The following ASIC2 variants were observed in gnomAD, a reference collection of about 807,000 sequenced individuals.
ASIC2 encodes acid sensing ion channel subunit 2, also known as acid-sensing ion channel 2.
Under a neutral mutation model 57.3 loss-of-function variants are expected in ASIC2, and 25 were observed. That is an observed-to-expected ratio of 0.44 (90% CI 0.32 to 0.61). The LOEUF is 0.61. Ranked by LOEUF, ASIC2 falls within the 20% of genes least tolerant of loss-of-function variation. The pLI is 0.06. For synonymous variants in ASIC2, 319 were observed against 307.5 expected, an observed-to-expected ratio of 1.04 and a Z score of -0.39; for missense variants, 641 against 738.1, an observed-to-expected ratio of 0.87 and a Z score of 1.52.
chr17:33,205,720 C>T (rs1907035764), intron 1 of ASIC2, among the ~76,000 whole-genome samples: 1 of 152,180 alleles, frequency 6.6e-6, no homozygotes, highest in African/African-American at 2.4e-5. Flanking sequence ...GTCCTGACAC[C>T]TTTATCTTGG....
chr17:33,352,425 T>A (rs541276732), intron 1 of ASIC2, among the ~76,000 whole-genome samples: 2 of 152,314 alleles, frequency 1.3e-5, no homozygotes, highest in East Asian at 3.9e-4. Flanking sequence ...CCTTCTTACC[T>A]TGTGCTTGCA....
chr17:33,911,658 A>G (rs75482808), intron 1 of ASIC2, among the ~76,000 whole-genome samples: 93 of 152,332 alleles, frequency 6.1e-4, no homozygotes, highest in African/African-American at 2.2e-3. Context: ...AACTTGGAAC[A>G]TATATTGGGA....
chr17:33,086,281 C>T (rs768988734), intron 3 of ASIC2, among the ~76,000 whole-genome samples: 1 of 152,174 alleles, frequency 6.6e-6, no homozygotes, highest in East Asian at 1.9e-4. Flanking sequence ...GGAGAAGTTA[C>T]ACACTGGATT....
intron 1 of ASIC2, among the ~76,000 whole-genome samples, chr17:34,018,272 A>G (rs750577735): frequency 2.8e-4 from 43 of 152,362 alleles, no homozygotes; most frequent in Non-Finnish European, 3.5e-4. Flanking sequence ...TGTTTACAGC[A>G]TGGTTTACTG....
intron 1 of ASIC2, among the ~76,000 whole-genome samples, chr17:33,640,761 C>T (rs1367616829): frequency 6.7e-6 from 1 of 149,478 alleles, no homozygotes; most frequent in African/African-American, 2.4e-5. Flanking sequence ...TCAACAGATG[C>T]TTTAGTTATC....
At chr17:33,758,014 T>C (rs1910664784) in intron 1 of ASIC2, among the ~76,000 whole-genome samples, 1 of 152,262 alleles carries the variant, frequency 6.6e-6, no homozygotes, top group Non-Finnish European at 1.5e-5. Flanking sequence ...AATTGATTTC[T>C]GCATAAAGAG....
intron 1 of ASIC2, chr17:34,037,610 T>C (rs1907939043): frequency 3.8e-6 from 6 of 1,575,704 alleles, no homozygotes; most frequent in Non-Finnish European, 5.2e-6. Context: ...TTTGTGGCCT[T>C]GGAGTCAGTC....
intron 1 of ASIC2, among the ~76,000 whole-genome samples, chr17:33,853,392 G>A (rs1017639315): frequency 7.9e-5 from 12 of 152,138 alleles, no homozygotes; most frequent in African/African-American, 2.7e-4. Flanking sequence ...CACAGTGCTG[G>A]GCACACATGC....
intron 1 of ASIC2, among the ~76,000 whole-genome samples, chr17:33,631,662 G>T (rs933796677): frequency 6.6e-6 from 1 of 152,158 alleles, no homozygotes; most frequent in African/African-American, 2.4e-5. Flanking sequence ...AAAGGCATTG[G>T]GGGTGGTATA....
chr17:33,278,974 G>A (rs888343059), intron 1 of ASIC2, among the ~76,000 whole-genome samples: 3 of 152,188 alleles, frequency 2.0e-5, no homozygotes, highest in African/African-American at 7.2e-5. Flanking sequence ...AGGGTCATCA[G>A]AGGGGCATAA....
intron 1 of ASIC2, among the ~76,000 whole-genome samples, chr17:34,000,149 G>T (rs182342741): frequency 1.4e-4 from 21 of 151,516 alleles, no homozygotes; most frequent in African/African-American, 5.1e-4. Context: ...ACTTCTGGAG[G>T]TTCCCTTGCA....
chr17:33,343,479 T>G (rs1256239860), intron 1 of ASIC2, among the ~76,000 whole-genome samples: 3 of 152,214 alleles, frequency 2.0e-5, no homozygotes, highest in Admixed American at 2.0e-4. Flanking sequence ...CCTCACTTTA[T>G]TACTGGTTTT....
chr17:33,786,272 C>T (rs1242105946), intron 1 of ASIC2, among the ~76,000 whole-genome samples: 1 of 152,136 alleles, frequency 6.6e-6, no homozygotes, highest in Non-Finnish European at 1.5e-5. Context: ...GGACCCAGCA[C>T]ACTAGGTGAT....
At position 34,037,931 on chromosome 17, in the gene ASIC2, A is replaced by G. The variant is rs546987586; in HGVS notation, c.555+118047T>C. On this transcript the variant is annotated intron_variant, in intron 1 of 9. Coordinates refer to the ASIC2 transcript ENST00000359872. ...CCTTCCATAAAGACACTGATAGAAG[A>G]TCACACCCACCGACCACACATCAAC... The G allele has an allele frequency of 1.9e-6, 3 of 1,613,860 alleles. No homozygotes were observed. The African/African-American group carries it at 4.0e-5, about 22-fold the overall frequency.
intron 1 of ASIC2, among the ~76,000 whole-genome samples, chr17:33,799,442 CT>C (rs762231626): frequency 0.14 from 9,283 of 66,464 alleles, 510 homozygotes; most frequent in Non-Finnish European, 0.2. Context: ...TTCTTTCTTT[CT>C]TTCTTTCTTT....
At chr17:33,382,871 C>T (rs567862112) in intron 1 of ASIC2, among the ~76,000 whole-genome samples, 7 of 152,130 alleles carry the variant, frequency 4.6e-5, no homozygotes, top group African/African-American at 1.4e-4. Context: ...TTTCTACTTA[C>T]CCCATACTCC....
chr17:33,099,389 G>A (rs1461659013), intron 2 of ASIC2, among the ~76,000 whole-genome samples: 1 of 152,192 alleles, frequency 6.6e-6, no homozygotes, highest in East Asian at 1.9e-4. Context: ...AGGAGTGTAT[G>A]AGGATCAGTG....
At chr17:33,752,176 T>C (rs974591751) in intron 1 of ASIC2, among the ~76,000 whole-genome samples, 3 of 152,132 alleles carry the variant, frequency 2.0e-5, no homozygotes, top group African/African-American at 7.2e-5. Context: ...TAGACTCAGC[T>C]GGTGGCCCTC....
At chr17:34,095,133 T>C (rs972782125) in intron 1 of ASIC2, among the ~76,000 whole-genome samples, 1 of 152,242 alleles carries the variant, frequency 6.6e-6, no homozygotes, top group Admixed American at 6.5e-5. Flanking sequence ...CTAGTCCTAT[T>C]GTTCTCTGGC....
Sources: allele counts gnomAD v4.1 joint callset (sites outside exome capture counted in the v4.1 genomes callset), GRCh38; gene constraint gnomAD v4.1.1; transcripts MANE v1.5; gene names NCBI Gene and HGNC (gene_info 2026-07-23, HGNC 2026-07-21).